The following NBPF11 variants were observed in gnomAD, a reference collection of about 807,000 sequenced individuals.
NBPF11 encodes NBPF family member NBPF11.
In NBPF11, 72 loss-of-function variants were observed where a neutral mutation model predicts 93.9. That is an observed-to-expected ratio of 0.77 (90% confidence interval 0.63 to 0.93). NBPF11 has a LOEUF of 0.93. NBPF11 is among the 40% of genes least tolerant of loss of function. The pLI is 0.00. For synonymous variants in NBPF11, 224 were observed against 304.9 expected, an observed-to-expected ratio of 0.73 and a Z score of 2.76; for missense variants, 705 against 802.2, an observed-to-expected ratio of 0.88 and a Z score of 1.46.
At chr1:148,125,512 C>T (rs1174588320) in intron 5 of NBPF11, among the ~76,000 whole-genome samples, 1 of 151,776 alleles carries the variant, frequency 6.6e-6, no homozygotes, top group African/African-American at 2.4e-5. Context: ...ATATCTGAAG[C>T]CTAAAGTGTG....
At chr1:148,112,202 G>A (rs1255964281) in intron 15 of NBPF11, among the ~76,000 whole-genome samples, 18 of 147,124 alleles carry the variant, frequency 1.2e-4, no homozygotes, top group African/African-American at 4.4e-4. Flanking sequence ...CGTGCACAAC[G>A]TGCAGCTTAG....
chr1:148,126,157 C>T (rs1285822553), intron 5 of NBPF11, among the ~76,000 whole-genome samples: 6 of 151,782 alleles, frequency 4.0e-5, no homozygotes, highest in Admixed American at 1.3e-4. Flanking sequence ...CCCGCCACGA[C>T]GCCCATCTAC....
chr1:148,115,160 A>G (rs28667435), intron 14 of NBPF11, among the ~76,000 whole-genome samples: 2 of 56,992 alleles, frequency 3.5e-5, no homozygotes, highest in Admixed American at 2.2e-4. Flanking sequence ...GCAGGACTCC[A>G]TCACAAAAAA....
At chr1:148,141,227 G>A (rs1329626645) in intron 2 of NBPF11, among the ~76,000 whole-genome samples, 4 of 151,972 alleles carry the variant, frequency 2.6e-5, no homozygotes, top group African/African-American at 9.7e-5. Context: ...TGAGGATTTA[G>A]GACATTACGT....
intron 9 of NBPF11, among the ~76,000 whole-genome samples, chr1:148,121,379 G>A (rs1293692): frequency 0.03 from 3,988 of 135,092 alleles, 97 homozygotes; most frequent in Non-Finnish European, 0.043. Context: ...ATGCAGTCTC[G>A]CTCTGTCTCC....
chr1:148,136,245 A>G (rs1462832563), intron 3 of NBPF11, among the ~76,000 whole-genome samples: 87 of 151,922 alleles, frequency 5.7e-4, no homozygotes, highest in Middle Eastern at 6.8e-3. Context: ...AAATTAAAAC[A>G]TATGTGCAGA....
chr1:148,146,184 C>T (rs1672991749), intron 1 of NBPF11, among the ~76,000 whole-genome samples: 1 of 151,640 alleles, frequency 6.6e-6, no homozygotes, highest in Non-Finnish European at 1.5e-5. Flanking sequence ...ACATGGAGAC[C>T]TGTGGTTGCG....
At chr1:148,142,069 GAA>G (rs1672278571) in intron 2 of NBPF11, among the ~76,000 whole-genome samples, 2 of 145,518 alleles carry the variant, frequency 1.4e-5, no homozygotes, top group African/African-American at 5.2e-5. Context: ...AGGAAGGGAG[GAA>G]GAAAGGAAGG....
intron 6 of NBPF11, 137 bp downstream of exon 6, chr1:148,124,762 T>G: frequency 1.3e-6 from 1 of 750,488 alleles, no homozygotes; most frequent in Middle Eastern, 3.7e-4. Context: ...TGATAAATAT[T>G]TGTGTGTCAT....
chr1:148,140,900 C>G (rs1369300481), intron 2 of NBPF11, among the ~76,000 whole-genome samples: 4 of 151,796 alleles, frequency 2.6e-5, no homozygotes, highest in Non-Finnish European at 5.9e-5. Context: ...CTTGGAAGTA[C>G]CCAAGACGTC....
chr1:148,103,974 T>C (rs1176922336), intron 23 of NBPF11, 62 bp from the exon 24 acceptor site: 4 of 1,609,414 alleles, frequency 2.5e-6, no homozygotes, highest in Middle Eastern at 2.3e-4. Flanking sequence ...AGAGCCCCAC[T>C]AGATTTCAGA....
chr1:148,122,114 A>G lies in NBPF11; in HGVS notation c.719T>C (p.Leu240Pro). 1 of 1,613,474 alleles carries G rather than the reference A, an allele frequency of 6.2e-7. No homozygotes were observed. The highest frequency in any genetic ancestry group is 1.3e-5 in the African/African-American group (1 of 74,870). ...ATGAGAGGATTCTCTGTCTACAACC[A>G]GAGATGAGTTGACTTTGTCTTCCTC... is the stretch of plus-strand genomic sequence containing the variant. The part of the protein sequence containing the change: ...TFEEDKVNSS[L>P]VVDRESSHDG... Residue 240 changes from leucine (L) to proline (P), a missense_variant, in exon 9 of 24, where the codon CTG (leucine) becomes CCG (proline). By Grantham distance (98) the Leu-to-Pro change is moderately conservative. Transcript: ENST00000682118.
At chr1:148,119,466 G>T (rs1253037944) in intron 10 of NBPF11, among the ~76,000 whole-genome samples, 1 of 151,882 alleles carries the variant, frequency 6.6e-6, no homozygotes, top group Non-Finnish European at 1.5e-5. Context: ...GAAACTGAGG[G>T]ACAGAGAAGA....
At chr1:148,147,067 C>G in intron 1 of NBPF11, 1 of 875,854 alleles carries the variant, frequency 1.1e-6, no homozygotes, top group African/African-American at 1.7e-5. Flanking sequence ...GAGAGCCGGA[C>G]AGGCGAGCTT....
intron 6 of NBPF11, among the ~76,000 whole-genome samples, chr1:148,124,395 T>G (rs1257643877): frequency 1.3e-5 from 2 of 149,482 alleles, no homozygotes; most frequent in African/African-American, 5.0e-5. Context: ...CATGTGAAAA[T>G]ACACATAGTG....
intron 1 of NBPF11, among the ~76,000 whole-genome samples, chr1:148,147,947 G>A (rs1343793481): frequency 3.3e-5 from 5 of 152,064 alleles, no homozygotes; most frequent in African/African-American, 1.2e-4. Flanking sequence ...AGGAACCTAG[G>A]CCCAGAGCCA....
At chr1:148,126,683 A>C (rs1669201456) in intron 5 of NBPF11, 146 bp downstream of exon 5, 16 of 650,502 alleles carry the variant, frequency 2.5e-5, no homozygotes, top group Non-Finnish European at 2.2e-5. Context: ...ATACTTTGGT[A>C]CCTCTGTCTT....
chr1:148,137,534 G>T (rs1406696076), intron 3 of NBPF11, among the ~76,000 whole-genome samples, 177 bp downstream of exon 3: 1 of 151,880 alleles, frequency 6.6e-6, no homozygotes, highest in African/African-American at 2.4e-5. Context: ...GACTTCTGTG[G>T]TTTCAAACCA....
At chr1:148,116,126 A>T (rs1377915409) in intron 13 of NBPF11, 128 bp from the exon 14 acceptor site, 1 of 1,006,722 alleles carries the variant, frequency 9.9e-7, no homozygotes, top group Non-Finnish European at 1.5e-6. Context: ...GGACGTTCCC[A>T]TTAAGAGGGA....
Sources: gnomAD v4.1 joint callset for allele counts (sites outside exome capture counted in the v4.1 genomes callset) on GRCh38, gnomAD v4.1.1 for gene constraint, MANE v1.5 for transcripts, NCBI Gene and HGNC (gene_info 2026-07-23, HGNC 2026-07-21) for gene names.